The following SERPINI1 variants were observed in gnomAD, a reference collection of about 807,000 sequenced individuals.
The protein encoded by SERPINI1 is neuroserpin.
A neutral mutation model predicts 41.1 loss-of-function variants in SERPINI1; 19 were observed. The observed-to-expected ratio is 0.46, with a 90% CI of 0.32 to 0.68. SERPINI1 has a LOEUF of 0.68. SERPINI1 is among the 30% of genes least tolerant of loss of function. The pLI is 0.03. For synonymous variants in SERPINI1, 138 were observed against 156.6 expected (o/e 0.88, Z 0.89); for missense variants, 460 against 479.2 (o/e 0.96, Z 0.37).
At chr3:167,737,856 A>G (rs956269897) in intron 1 of SERPINI1, among the ~76,000 whole-genome samples, 1 of 152,122 alleles carries the variant, frequency 6.6e-6, no homozygotes, top group Non-Finnish European at 1.5e-5. Flanking sequence ...CTGATTAGGA[A>G]TGAATGAGTT....
At chr3:167,752,805 C>T (rs753568464) in intron 1 of SERPINI1, among the ~76,000 whole-genome samples, 13 of 152,036 alleles carry the variant, frequency 8.6e-5, no homozygotes, top group Non-Finnish European at 1.3e-4. Context: ...TTTCTGCCAT[C>T]AGGCCTTCAT....
chr3:167,789,504 G>T, intron 2 of SERPINI1, 126 bp downstream of exon 2: 1 of 1,119,054 alleles, frequency 8.9e-7, no homozygotes. Context: ...GAAATGGTAT[G>T]GCTAGAAGGA....
At chr3:167,749,857 T>C (rs1214374066) in intron 1 of SERPINI1, among the ~76,000 whole-genome samples, 2 of 152,046 alleles carry the variant, frequency 1.3e-5, no homozygotes, top group Non-Finnish European at 1.5e-5. Flanking sequence ...GCTAAGAAAC[T>C]AAGAAAGCAT....
At chr3:167,818,749 G>T (rs569112238) in intron 6 of SERPINI1, among the ~76,000 whole-genome samples, 2 of 152,216 alleles carry the variant, frequency 1.3e-5, no homozygotes, top group South Asian at 4.1e-4. Context: ...CAATAAAGTA[G>T]GTGACTAGAG....
chr3:167,768,581 A>G (rs1042775835), intron 1 of SERPINI1, among the ~76,000 whole-genome samples: 1 of 152,240 alleles, frequency 6.6e-6, no homozygotes, highest in Non-Finnish European at 1.5e-5. Context: ...GTTTTACACT[A>G]TAGCAATATA....
intron 5 of SERPINI1, among the ~76,000 whole-genome samples, chr3:167,802,293 A>C (rs1334178629): frequency 6.6e-6 from 1 of 151,914 alleles, no homozygotes; most frequent in Non-Finnish European, 1.5e-5. Context: ...AATTAAACTA[A>C]AGAGCTTCTG....
Position 167,806,194 on chromosome 3 carries a change from C to T in SERPINI1, c.882-1050C>T, listed in dbSNP as rs186264634. ...GCAGGGACATGGATGAAGCTGGAAACGATCATCCTCAGCAAACTAACACAG... is the reference window on the plus strand; with the variant it reads ...GCAGGGACATGGATGAAGCTGGAAATGATCATCCTCAGCAAACTAACACAG... On this transcript the variant is annotated intron_variant, in intron 5 of 8. Transcript: ENST00000446050. 4.6e-5 allele frequency among the ~76,000 whole-genome samples: 7 copies of T among 152,084 alleles called. No individual in the cohort carries two copies. In the East Asian group the frequency reaches 5.8e-4, roughly 13 times the overall value.
chr3:167,809,639 T>C (rs1016647442), intron 6 of SERPINI1, among the ~76,000 whole-genome samples: 17 of 152,202 alleles, frequency 1.1e-4, no homozygotes, highest in Non-Finnish European at 2.4e-4. Flanking sequence ...ACATTCTATA[T>C]GCAAAGTATC....
At chr3:167,803,167 C>G (rs1294969827) in intron 5 of SERPINI1, among the ~76,000 whole-genome samples, 1 of 151,670 alleles carries the variant, frequency 6.6e-6, no homozygotes, top group African/African-American at 2.4e-5. Context: ...GGGATATATA[C>G]CTAATGCTAG....
chr3:167,809,744 G>T (rs1170781720), intron 6 of SERPINI1, among the ~76,000 whole-genome samples: 5 of 152,040 alleles, frequency 3.3e-5, no homozygotes, highest in Non-Finnish European at 7.4e-5. Context: ...CTGACATATA[G>T]TTGACACACA....
intron 7 of SERPINI1, among the ~76,000 whole-genome samples, chr3:167,824,249 G>C (rs573776745): frequency 1.3e-5 from 2 of 150,724 alleles, no homozygotes; most frequent in Admixed American, 1.3e-4. Flanking sequence ...TTGTTTGTTT[G>C]TTTTGTTTGT....
At chr3:167,785,039 G>A (rs1433188839) in intron 1 of SERPINI1, among the ~76,000 whole-genome samples, 1 of 152,036 alleles carries the variant, frequency 6.6e-6, no homozygotes, top group African/African-American at 2.4e-5. Context: ...TCAAGAGATC[G>A]AGACCATCCT....
At chr3:167,791,848 G>A (rs923970208) in intron 3 of SERPINI1, among the ~76,000 whole-genome samples, 10 of 152,182 alleles carry the variant, frequency 6.6e-5, no homozygotes, top group Non-Finnish European at 1.5e-4. Flanking sequence ...TTAGGACTGG[G>A]CACAGTGGCT....
chr3:167,768,253 G>A (rs749709607), intron 1 of SERPINI1, among the ~76,000 whole-genome samples: 18 of 152,202 alleles, frequency 1.2e-4, no homozygotes, highest in Non-Finnish European at 1.9e-4. Context: ...ATGACTTGCT[G>A]ATGGCTGAGA....
At chr3:167,801,622 T>A (rs895907371) in intron 5 of SERPINI1, among the ~76,000 whole-genome samples, 1 of 152,048 alleles carries the variant, frequency 6.6e-6, no homozygotes, top group Non-Finnish European at 1.5e-5. Context: ...ACTTATCTCA[T>A]AGGGTTGTTC....
chr3:167,744,698 A>AT (rs1471824497), intron 1 of SERPINI1, among the ~76,000 whole-genome samples: 3 of 128,454 alleles, frequency 2.3e-5, no homozygotes, highest in African/African-American at 9.3e-5. Context: ...AAACATATAT[A>AT]AATATATATA....
chr3:167,812,576 T>A (rs1343271927), intron 6 of SERPINI1, among the ~76,000 whole-genome samples: 1 of 152,218 alleles, frequency 6.6e-6, no homozygotes, highest in African/African-American at 2.4e-5. Flanking sequence ...TATCTCATAT[T>A]ATTGTTATTT....
chr3:167,801,234 C>G (rs531337341), intron 5 of SERPINI1, among the ~76,000 whole-genome samples: 1 of 152,170 alleles, frequency 6.6e-6, no homozygotes, highest in African/African-American at 2.4e-5. Flanking sequence ...TTGTTATTTT[C>G]TAACACTTGT....
rs577656917 is a variant in SERPINI1, at chr3:167,769,746, G to C, written c.-18-19365G>C. On this transcript the variant is annotated intron_variant, in intron 1 of 8. Coordinates refer to ENST00000446050, the MANE Select transcript of SERPINI1 (RefSeq NM_001122752.2). ...CTGTTAAGTGACTAATGGTACCTCAGTGTAGTTTATTTTAATTAATAATTA... is the reference window on the plus strand; with the variant it reads ...CTGTTAAGTGACTAATGGTACCTCACTGTAGTTTATTTTAATTAATAATTA... Among the ~76,000 whole-genome samples, 19 of 152,150 alleles carry C rather than the reference G, an allele frequency of 1.2e-4. No homozygotes were observed. The East Asian group carries it at 3.7e-3, about 29-fold the overall frequency.
Sources: gnomAD v4.1 joint callset for allele counts (sites outside exome capture counted in the v4.1 genomes callset) on GRCh38, gnomAD v4.1.1 for gene constraint, MANE v1.5 for transcripts, NCBI Gene and HGNC (gene_info 2026-07-23, HGNC 2026-07-21) for gene names.